The following ACTN1 variants were observed in gnomAD, a reference collection of about 807,000 sequenced individuals.
The protein encoded by ACTN1 is alpha-actinin-1.
A neutral mutation model predicts 119.6 loss-of-function variants in ACTN1; 30 were observed. The ratio of observed to expected loss-of-function variants is 0.25; its 90% confidence interval spans 0.19 to 0.34. The LOEUF is 0.34. Ranked by LOEUF, ACTN1 falls within the 10% of genes least tolerant of loss-of-function variation. ACTN1 has a pLI of 1.00. For missense variants in ACTN1, 764 were observed against 1,223.4 expected (o/e 0.62, Z 5.60); for synonymous variants, 429 against 472.6 (o/e 0.91, Z 1.20).
Position 68,890,302 on chromosome 14 carries a change from G to T in ACTN1, c.1087-16C>A. The T allele has an allele frequency of 6.2e-7, 1 of 1,613,842 alleles. No homozygotes were observed. Among genetic ancestry groups the T allele is most frequent in the South Asian group, 1.1e-5 (1 of 91,078 alleles). On this transcript the variant is annotated splice_polypyrimidine_tract_variant and intron_variant, in intron 10 of 21. Transcript: ENST00000394419. Reference sequence around the variant, plus strand: ...TGTTGATGTCCTGTGGGGATGGGAGGTACAGGGTCAGGGTCTGGCTTGGGC... The same window carrying T: ...TGTTGATGTCCTGTGGGGATGGGAGTTACAGGGTCAGGGTCTGGCTTGGGC...
intron 11 of ACTN1, among the ~76,000 whole-genome samples, chr14:68,889,666 C>T (rs2032319895): frequency 6.6e-6 from 1 of 152,060 alleles, no homozygotes; most frequent in Admixed American, 6.5e-5. Flanking sequence ...CACCTGTAGT[C>T]CCAGCTACTA....
Position 68,950,462 on chromosome 14 carries a change from G to GTGTGTGTGTGTGTGTGTGTGTATATA in ACTN1, c.106-24791_106-24790insTATATACACACACACACACACACACA. ...TTTACCATAATATATATGCGTGTGT[G>GTGTGTGTGTGTGTGTGTGTGTATATA]TATATATATATATATAAATCAAACA... On this transcript the variant is annotated intron_variant, in intron 1 of 21. Transcript: ENST00000394419. Among the ~76,000 whole-genome samples the GTGTGTGTGTGTGTGTGTGTGTATATA allele has an allele frequency of 5.3e-4, 67 of 125,936 alleles. 4 individuals carry two copies. Among genetic ancestry groups the GTGTGTGTGTGTGTGTGTGTGTATATA allele is most frequent in the African/African-American group, 2.5e-3 (60 of 24,334 alleles). The allele number at this position is 125,936 out of a possible 152,430, so 82.6% of individuals were successfully genotyped here.
intron 8 of ACTN1, among the ~76,000 whole-genome samples, chr14:68,896,801 T>G (rs1330538476): frequency 6.6e-6 from 1 of 152,116 alleles, no homozygotes; most frequent in Non-Finnish European, 1.5e-5. Context: ...CATGAGATAA[T>G]GTAACAGATG....
At chr14:68,977,093 C>T (rs2140723773) in intron 1 of ACTN1, among the ~76,000 whole-genome samples, 1 of 152,316 alleles carries the variant, frequency 6.6e-6, no homozygotes, top group African/African-American at 2.4e-5. Context: ...TCTGTTACTC[C>T]TGCCCCTCCC....
At chr14:68,920,471 A>T (rs1333715180) in intron 3 of ACTN1, among the ~76,000 whole-genome samples, 3 of 152,212 alleles carry the variant, frequency 2.0e-5, no homozygotes, top group Non-Finnish European at 4.4e-5. Flanking sequence ...TCTTTTAATC[A>T]TTAAGGAAAT....
At chr14:68,883,445 T>C (rs1332326137) in intron 14 of ACTN1, 1 of 185,290 alleles carries the variant, frequency 5.4e-6, no homozygotes, top group Non-Finnish European at 1.1e-5. Flanking sequence ...CTAATTGATG[T>C]GAAATGAGCT....
intron 1 of ACTN1, among the ~76,000 whole-genome samples, chr14:68,958,904 C>T (rs1262634102): frequency 3.9e-5 from 6 of 152,174 alleles, no homozygotes; most frequent in Non-Finnish European, 1.5e-5. Flanking sequence ...CAACTTTGGC[C>T]TCGACAGCCA....
intron 1 of ACTN1, among the ~76,000 whole-genome samples, chr14:68,942,954 C>T (rs777892473): frequency 7.9e-5 from 12 of 152,164 alleles, no homozygotes; most frequent in Non-Finnish European, 1.3e-4. Context: ...TGGGCCATGA[C>T]GGAGGAGCCT....
chr14:68,934,200 C>A (rs953959264), intron 1 of ACTN1, among the ~76,000 whole-genome samples: 21 of 152,344 alleles, frequency 1.4e-4, no homozygotes, highest in African/African-American at 4.8e-4. Context: ...CATGCTAAAA[C>A]AAGCACGCAG....
At chr14:68,946,922 C>T (rs1281560647) in intron 1 of ACTN1, among the ~76,000 whole-genome samples, 1 of 152,206 alleles carries the variant, frequency 6.6e-6, no homozygotes, top group Non-Finnish European at 1.5e-5. Flanking sequence ...GCTTCCACCA[C>T]AAGGAGCTCA....
intron 1 of ACTN1, among the ~76,000 whole-genome samples, chr14:68,951,383 A>G (rs2036162977): frequency 6.6e-6 from 1 of 152,152 alleles, no homozygotes; most frequent in South Asian, 2.1e-4. Context: ...GAGGAGGGAG[A>G]GAAAGAGGAA....
chr14:68,937,711 C>A (rs1594846113), intron 1 of ACTN1, among the ~76,000 whole-genome samples: 1 of 152,210 alleles, frequency 6.6e-6, no homozygotes, highest in South Asian at 2.1e-4. Flanking sequence ...CCTATACAAG[C>A]CAGCTTCTCG....
At chr14:68,918,201 C>T (rs545026672) in intron 3 of ACTN1, among the ~76,000 whole-genome samples, 6 of 152,230 alleles carry the variant, frequency 3.9e-5, no homozygotes, top group Non-Finnish European at 5.9e-5. Context: ...TGAGAGTTCA[C>T]GCCAGTGTTC....
intron 1 of ACTN1, among the ~76,000 whole-genome samples, chr14:68,973,105 C>A (rs934212551): frequency 2.0e-5 from 3 of 152,140 alleles, no homozygotes; most frequent in African/African-American, 7.2e-5. Context: ...CCTGGTACGA[C>A]ATGAAAGGAG....
rs917581766 is a variant in ACTN1 at position 68,943,537 on chromosome 14, C to T, written c.106-17865G>A. On this transcript the variant is annotated intron_variant, in intron 1 of 21. Transcript: ENST00000394419. ...GCTTTCGGCTCCCCAGCCCCCTCCC[C>T]CCAACCTTGAAAGGAAAGATCAGCG... is the stretch of plus-strand genomic sequence containing the variant. Among the ~76,000 whole-genome samples, 15 of 152,282 alleles carry T rather than the reference C, an allele frequency of 9.9e-5. No homozygotes were observed. In the Middle Eastern group the frequency reaches 0.017, roughly 173 times the overall value.
intron 1 of ACTN1, chr14:68,936,731 C>A: frequency 1.6e-6 from 1 of 635,290 alleles, no homozygotes; most frequent in Non-Finnish European, 3.1e-6. Flanking sequence ...CCTATGTTGT[C>A]CTTGGCCAGT....
chr14:68,937,913 G>C (rs777746985), intron 1 of ACTN1, among the ~76,000 whole-genome samples: 1 of 152,248 alleles, frequency 6.6e-6, no homozygotes, highest in Non-Finnish European at 1.5e-5. Context: ...GCTCAGCGTT[G>C]AGTCCTCTGC....
chr14:68,900,027 C>A (rs2033206126), intron 8 of ACTN1, among the ~76,000 whole-genome samples: 9 of 152,082 alleles, frequency 5.9e-5, no homozygotes, highest in Admixed American at 5.9e-4. Context: ...CTGAGAGGGG[C>A]TGGGCAGGCT....
rs2030671634 is a variant in ACTN1 at position 68,874,881 on chromosome 14, A to G, written c.2723T>C (p.Leu908Pro). The G allele has an allele frequency of 6.3e-7, 1 of 1,598,876 alleles. No individual in the cohort carries two copies. The highest frequency in any genetic ancestry group is 1.1e-5 in the South Asian group (1 of 90,452). The part of the protein sequence containing the change: ...ALDYMSFSTA[L>P]YGESDL ...GGATTAGAGGTCACTCTCGCCGTAC[A>G]GCGCCGTGGAGAAGGACATGTAGTC... Residue 908 changes from leucine to proline, a missense_variant, in exon 22 of 22, where the codon CTG becomes CCG. Around this residue, in one of 4 missense-constraint regions of ACTN1, gnomAD observed 102 missense variants for 78.2 expected, o/e 1.30. Transcript: ENST00000394419.
Sources: gnomAD v4.1 joint callset for allele counts (sites outside exome capture counted in the v4.1 genomes callset) on GRCh38, gnomAD v4.1.1 for gene constraint, gnomAD v4.1.1 regional missense constraint, MANE v1.5 for transcripts, NCBI Gene and HGNC (gene_info 2026-07-23, HGNC 2026-07-21) for gene names.